The following SVOP variants were observed in gnomAD, a reference collection of about 807,000 sequenced individuals.
SVOP encodes SV2 related protein, also known as synaptic vesicle 2-related protein.
A neutral mutation model predicts 69.1 loss-of-function variants in SVOP; 17 were observed. The ratio of observed to expected loss-of-function variants is 0.25; its 90% CI spans 0.17 to 0.37. The LOEUF is 0.37. Among genes scored for constraint, SVOP ranks in the 10% least tolerant of loss-of-function variants. The pLI, the probability that SVOP is intolerant of heterozygous loss-of-function variation, is 1.00. For synonymous variants in SVOP, 238 were observed against 238.6 expected (o/e 1.00, Z 0.02); for missense variants, 435 against 597.5 (o/e 0.73, Z 2.84).
intron 11 of SVOP, among the ~76,000 whole-genome samples, chr12:108,929,708 A>C (rs1325189914): frequency 6.6e-6 from 1 of 152,150 alleles, no homozygotes; most frequent in Non-Finnish European, 1.5e-5. Flanking sequence ...CCTGGCTATA[A>C]ATCCCCACTT....
chr12:108,983,563 T>C (rs2040153369), intron 2 of SVOP, 38 bp downstream of exon 2: 1 of 398,622 alleles, frequency 2.5e-6, no homozygotes, highest in South Asian at 1.3e-4. Context: ...ACCTTGACCG[T>C]GGCCCAGGCT....
intron 1 of SVOP, among the ~76,000 whole-genome samples, chr12:108,996,553 G>A (rs773899209): frequency 2.4e-4 from 36 of 150,082 alleles, no homozygotes; most frequent in Non-Finnish European, 4.6e-4. Context: ...AGACTCCATC[G>A]AAAAACAAAA....
chr12:108,997,254 G>T (rs1171759164), intron 1 of SVOP, among the ~76,000 whole-genome samples: 1 of 151,948 alleles, frequency 6.6e-6, no homozygotes, highest in South Asian at 2.1e-4. Flanking sequence ...TTTTCAGACC[G>T]GCTTAAAAAA....
intron 1 of SVOP, among the ~76,000 whole-genome samples, chr12:109,018,284 C>T (rs562810797): frequency 6.6e-6 from 1 of 152,300 alleles, no homozygotes; most frequent in Admixed American, 6.5e-5. Flanking sequence ...GGTGCTGTCC[C>T]AGAGTGGACA....
At chr12:108,940,142 G>A (rs1250094138) in intron 8 of SVOP, among the ~76,000 whole-genome samples, 2 of 152,166 alleles carry the variant, frequency 1.3e-5, no homozygotes, top group African/African-American at 2.4e-5. Context: ...ATATGATAAT[G>A]CATGGAGCAC....
At chr12:108,986,461 T>A (rs954296942) in intron 1 of SVOP, among the ~76,000 whole-genome samples, 2 of 152,186 alleles carry the variant, frequency 1.3e-5, no homozygotes, top group African/African-American at 4.8e-5. Context: ...ATTACATACA[T>A]AACAATGAGA....
intron 1 of SVOP, among the ~76,000 whole-genome samples, chr12:109,017,470 C>A (rs967365906): frequency 6.6e-5 from 10 of 152,066 alleles, no homozygotes; most frequent in African/African-American, 2.4e-4. Flanking sequence ...TAGCCACTAG[C>A]CACATGTAGC....
intron 4 of SVOP, among the ~76,000 whole-genome samples, chr12:108,976,168 C>T (rs2040105318): frequency 6.6e-6 from 1 of 152,124 alleles, no homozygotes; most frequent in Admixed American, 6.5e-5. Context: ...CCATCAAGTG[C>T]CTCACTCAAG....
intron 6 of SVOP, among the ~76,000 whole-genome samples, chr12:108,954,224 T>C (rs2039973412): frequency 6.6e-6 from 1 of 151,950 alleles, no homozygotes; most frequent in Admixed American, 6.6e-5. Context: ...TATGTGACCT[T>C]GGGCATGCTA....
At chr12:108,932,814 T>A (rs1331245061) in intron 11 of SVOP, among the ~76,000 whole-genome samples, 1 of 152,238 alleles carries the variant, frequency 6.6e-6, no homozygotes. Context: ...TTGACTCTAG[T>A]AGAACATCAC....
At chr12:108,948,624 G>A (rs1189346763) in intron 6 of SVOP, among the ~76,000 whole-genome samples, 1 of 152,114 alleles carries the variant, frequency 6.6e-6, no homozygotes, top group African/African-American at 2.4e-5. Context: ...ACATCTTTAG[G>A]CTGAAGTCTT....
intron 1 of SVOP, among the ~76,000 whole-genome samples, chr12:108,984,224 C>T (rs1479082321): frequency 3.9e-5 from 6 of 152,124 alleles, no homozygotes; most frequent in Non-Finnish European, 8.8e-5. Flanking sequence ...CACTATGTTG[C>T]CCAGTCTGGT....
At chr12:108,928,936 G>GA (rs1351270726) in intron 11 of SVOP, among the ~76,000 whole-genome samples, 7 of 152,170 alleles carry the variant, frequency 4.6e-5, no homozygotes, top group South Asian at 2.1e-4. Context: ...TATACCCAGA[G>GA]AAAAAGAAAA....
chr12:108,912,022 G>A lies in SVOP; in HGVS notation c.*513C>T. ...TCAGGCTCTAGGGAGGCAAACCGGG[G>A]GGCCCCTGCCAGGAAATAGCTGCTC... On this transcript the variant is annotated 3_prime_UTR_variant, in exon 16 of 16. Transcript: ENST00000610966. 3.1e-6 allele frequency: 1 copy of A among 322,388 alleles called. No homozygotes were observed. Among genetic ancestry groups the A allele is most frequent in the Non-Finnish European group, 4.5e-6 (1 of 223,124 alleles). 20.0% of individuals were successfully genotyped at this position (322,388 alleles called of 1,614,324 possible).
chr12:109,009,938 G>C (rs543671420), intron 1 of SVOP, among the ~76,000 whole-genome samples: 2 of 151,948 alleles, frequency 1.3e-5, no homozygotes, highest in African/African-American at 4.8e-5. Context: ...GAAACCCTGG[G>C]TTAAAGAGTG....
chr12:109,007,820 C>T (rs113652514), intron 1 of SVOP, among the ~76,000 whole-genome samples: 138,043 of 152,136 alleles, frequency 0.91, 63,567 homozygotes, highest in Non-Finnish European at 1. Context: ...GGAGGATCAC[C>T]TGAGCCCAGG....
chr12:108,916,112 TG>T (rs199646498), intron 14 of SVOP, among the ~76,000 whole-genome samples: 12 of 151,898 alleles, frequency 7.9e-5, no homozygotes, highest in Admixed American at 2.0e-4. Flanking sequence ...CACTCTGTCC[TG>T]GGGGGGGCTC....
Position 108,912,706 on chromosome 12 carries a change from T to A in SVOP, c.1476A>T (p.Ala492=), listed in dbSNP as rs2039691911. 1 of 1,613,892 alleles carries A rather than the reference T, an allele frequency of 6.2e-7. No homozygotes were observed. Among genetic ancestry groups the A allele is most frequent in the Non-Finnish European group, 8.5e-7 (1 of 1,179,886 alleles). Residue 492 remains alanine, a synonymous_variant, in exon 16 of 16, where the codon GCA becomes GCT. Transcript: ENST00000610966. The stretch of plus-strand genomic sequence containing the variant: ...CCAGGAGGCAGCAGCCACTGTAAAC[T>A]GCCAGAGTCAGGTACACAGAGGATT... ...MLESSVYLTL[A]VYSGCCLLAA...
At chr12:108,920,746 C>T (rs147191205) in intron 12 of SVOP, among the ~76,000 whole-genome samples, 26 of 151,948 alleles carry the variant, frequency 1.7e-4, no homozygotes, top group Non-Finnish European at 3.5e-4. Flanking sequence ...TACAGGTGCA[C>T]GCCATCATGC....
Sources: gnomAD v4.1 joint callset for allele counts (sites outside exome capture counted in the v4.1 genomes callset) on GRCh38, gnomAD v4.1.1 for gene constraint, MANE v1.5 for transcripts, NCBI Gene and HGNC (gene_info 2026-07-23, HGNC 2026-07-21) for gene names.